VWA3B: variants seen among roughly 807,000 people sequenced by gnomAD.
The protein encoded by VWA3B is von Willebrand factor A domain-containing protein 3B.
In VWA3B, 138 loss-of-function variants were observed where a neutral mutation model predicts 158.3. That is an observed-to-expected ratio of 0.87 (90% confidence interval 0.76 to 1.00). The LOEUF (loss-of-function observed/expected upper bound fraction) is 1.00. VWA3B is among the 50% of genes least tolerant of loss of function. The pLI, the probability that VWA3B is intolerant of heterozygous loss-of-function variation, is 0.00. For missense variants in VWA3B, 1,555 were observed against 1,565.1 expected (o/e 0.99, Z 0.11); for synonymous variants, 596 against 587.3 (o/e 1.01, Z -0.21).
At chr2:98,172,058 GC>G (rs906875137) in intron 8 of VWA3B, among the ~76,000 whole-genome samples, 35 of 152,324 alleles carry the variant, frequency 2.3e-4, no homozygotes, top group African/African-American at 8.2e-4. Flanking sequence ...GTTACAGGGT[GC>G]TCTTTTAGTT....
At chr2:98,167,429 A>G (rs1679180324) in intron 8 of VWA3B, among the ~76,000 whole-genome samples, 1 of 152,146 alleles carries the variant, frequency 6.6e-6, no homozygotes, top group South Asian at 2.1e-4. Flanking sequence ...CTAAGAATGA[A>G]GGCCAGTGAT....
chr2:98,316,211 T>A (rs1691082146), downstream of VWA3B, among the ~76,000 whole-genome samples: 3 of 152,204 alleles, frequency 2.0e-5, no homozygotes, highest in South Asian at 6.2e-4. Context: ...GTAGGAGAGC[T>A]AAAACAAGAA....
At chr2:98,267,464 A>T (rs1359063901) in intron 21 of VWA3B, among the ~76,000 whole-genome samples, 3 of 152,286 alleles carry the variant, frequency 2.0e-5, no homozygotes, top group Admixed American at 1.3e-4. Context: ...AAATGAAGGC[A>T]GAAATAAAGA....
chr2:98,267,243 G>A (rs1291584372), intron 21 of VWA3B, among the ~76,000 whole-genome samples: 1 of 151,708 alleles, frequency 6.6e-6, no homozygotes, highest in Non-Finnish European at 1.5e-5. Context: ...TTTATTGAGA[G>A]TTTTTAGCAT....
intron 2 of VWA3B, among the ~76,000 whole-genome samples, chr2:98,114,062 T>C (rs1179053435): frequency 6.6e-6 from 1 of 152,226 alleles, no homozygotes; most frequent in Non-Finnish European, 1.5e-5. Flanking sequence ...TGTTCTAGAT[T>C]GCTGTCTAAT....
rs151109139 is a variant in VWA3B, at chr2:98,160,398, T to C, written c.989-2453T>C. Among the ~76,000 whole-genome samples the C allele has an allele frequency of 7.0e-3, 1,069 of 152,338 alleles. 10 individuals are homozygous for C. Among genetic ancestry groups the C allele is most frequent in the Admixed American group, 0.01 (157 of 15,308 alleles). On this transcript the variant is annotated intron_variant, in intron 7 of 27. Transcript: ENST00000477737. ...TTGTGTTGCTCTCTGATCACCGACA[T>C]AGCAGTCTGTAGCTGCTTCATCACG... is the stretch of plus-strand genomic sequence containing the variant.
intron 14 of VWA3B, among the ~76,000 whole-genome samples, chr2:98,219,586 G>T: frequency 6.6e-6 from 1 of 152,120 alleles, no homozygotes; most frequent in East Asian, 1.9e-4. Flanking sequence ...AGATCCAAAA[G>T]AACCTCAATG....
chr2:98,220,060 G>A (rs1297909285), intron 14 of VWA3B, among the ~76,000 whole-genome samples: 1 of 151,386 alleles, frequency 6.6e-6, no homozygotes, highest in Admixed American at 6.6e-5. Flanking sequence ...CTACTTTGGG[G>A]GGCTAAAGCG....
chr2:98,231,314 A>T (rs866999153), intron 16 of VWA3B, among the ~76,000 whole-genome samples: 1 of 152,254 alleles, frequency 6.6e-6, no homozygotes, highest in Non-Finnish European at 1.5e-5. Context: ...GTTCTACAAT[A>T]GCTAAAATAA....
intron 5 of VWA3B, among the ~76,000 whole-genome samples, chr2:98,122,794 G>A (rs1353832580): frequency 6.6e-6 from 1 of 152,166 alleles, no homozygotes; most frequent in South Asian, 2.1e-4. Flanking sequence ...TCCTTTCTCC[G>A]GGGTTCATTC....
At chr2:98,330,205 T>A in the VWA3B span, among the ~76,000 whole-genome samples, 1 of 152,142 alleles carries the variant, frequency 6.6e-6, no homozygotes, top group Non-Finnish European at 1.5e-5. Flanking sequence ...GACATTTGCT[T>A]ACACCCATTT....
intron 19 of VWA3B, among the ~76,000 whole-genome samples, chr2:98,248,902 T>C (rs1021956449): frequency 1.5e-4 from 20 of 134,340 alleles, no homozygotes; most frequent in Admixed American, 3.6e-4. Context: ...CTTTCTTTCT[T>C]CTTTCTTTCT....
chr2:98,209,681 G>A (rs1230153439), intron 12 of VWA3B, among the ~76,000 whole-genome samples: 2 of 152,154 alleles, frequency 1.3e-5, no homozygotes, highest in Non-Finnish European at 2.9e-5. Flanking sequence ...AATAGTATTA[G>A]CTCTTCCTCA....
At chr2:98,243,914 A>G (rs1686231821) in intron 19 of VWA3B, among the ~76,000 whole-genome samples, 1 of 152,182 alleles carries the variant, frequency 6.6e-6, no homozygotes, top group South Asian at 2.1e-4. Context: ...TCTGGTAGGA[A>G]GCTCTGGGAT....
Position 98,290,564 on chromosome 2 carries a change from T to TC in VWA3B, c.3103dup (p.Leu1035ProfsTer11), listed in dbSNP as rs768493238. 10 of 1,590,148 alleles carry TC rather than the reference T, an allele frequency of 6.3e-6. No homozygotes were observed. The highest frequency in any genetic ancestry group is 1.7e-4 in the Middle Eastern group (1 of 6,014). The stretch of plus-strand genomic sequence containing the variant: ...AGAAAACCAAATCAAAAAGACCAGA[T>TC]CCCCTCAAAGGACAGAAGGTTATTG... On this transcript the variant is annotated frameshift_variant, in exon 23 of 28. Transcript: ENST00000477737. LOFTEE classifies it high-confidence loss of function.
At chr2:98,242,308 A>C (rs1283562650) in intron 19 of VWA3B, 1 of 456,018 alleles carries the variant, frequency 2.2e-6, no homozygotes, top group East Asian at 6.9e-5. Context: ...GGTATTGAGC[A>C]AAGAGGTTGC....
chr2:98,178,502 C>A (rs1282124123), intron 8 of VWA3B, among the ~76,000 whole-genome samples: 1 of 152,170 alleles, frequency 6.6e-6, no homozygotes, highest in African/African-American at 2.4e-5. Context: ...AATTCTATAT[C>A]CCCTTAAATA....
chr2:98,217,903 A>T lies in VWA3B; in HGVS notation c.1894A>T (p.Ile632Phe). The T allele has an allele frequency of 6.2e-7, 1 of 1,612,992 alleles. No individual in the cohort carries two copies. Among genetic ancestry groups the T allele is most frequent in the Non-Finnish European group, 8.5e-7 (1 of 1,179,534 alleles). ...TTTTCAGGAAATTCCTATTTATACC[A>T]TCTCCTTCAATTACAATGATGAGAT... Reference protein sequence around the residue: ...KRFQEIPIYTISFNYNDEIAN... With the variant: ...KRFQEIPIYTFSFNYNDEIAN... The change falls in exon 14 of 28, where the codon ATC becomes TTC. Residue 632 changes from isoleucine (I) to phenylalanine (F), a missense_variant. Coordinates refer to ENST00000477737, the MANE Select transcript of VWA3B (RefSeq NM_144992.5).
chr2:98,096,022 T>C (rs1682683496), intron 2 of VWA3B, among the ~76,000 whole-genome samples: 1 of 152,220 alleles, frequency 6.6e-6, no homozygotes, highest in Admixed American at 6.5e-5. Context: ...TTTGGTTTGC[T>C]AATATTCTGC....
Sources: allele counts gnomAD v4.1 joint callset (sites outside exome capture counted in the v4.1 genomes callset), GRCh38; gene constraint gnomAD v4.1.1; transcripts MANE v1.5; gene names NCBI Gene and HGNC (gene_info 2026-07-23, HGNC 2026-07-21).